Variants in ZFYVE27 observed in about 807,000 individuals in gnomAD.
ZFYVE27 encodes the protein protrudin.
A neutral mutation model predicts 52.8 loss-of-function variants in ZFYVE27; 36 were observed. That is an observed-to-expected ratio of 0.68 (90% CI 0.52 to 0.90). ZFYVE27 has a LOEUF of 0.90. ZFYVE27 is among the 40% of genes least tolerant of loss of function. ZFYVE27 has a pLI of 0.00. For missense variants in ZFYVE27, 450 were observed against 527.2 expected (o/e 0.85, Z 1.43); for synonymous variants, 223 against 215.6 (o/e 1.03, Z -0.30).
intron 10 of ZFYVE27, 39 bp downstream of exon 10, chr10:97,753,221 G>C (rs959806768): frequency 9.4e-6 from 15 of 1,595,160 alleles, no homozygotes; most frequent in Non-Finnish European, 1.3e-5. Context: ...TGGGGGAGTG[G>C]GGGTGGACTT....
intron 3 of ZFYVE27, 119 bp downstream of exon 3, chr10:97,743,283 C>T: frequency 8.3e-7 from 1 of 1,200,664 alleles, no homozygotes; most frequent in South Asian, 1.2e-5. Flanking sequence ...TAGTGTTCCT[C>T]TGTGTCTGCT....
In ZFYVE27 at chr10:97,744,901, T is replaced by C. The variant is rs137941397; in HGVS notation, c.441T>C (p.Ala147=). Reference sequence around the variant, plus strand: ...GCCTGTCTCGTCCCGAGGCCGTGGCTGAGGTGAAGAGCTTGTGAGTATGGA... The same window carrying C: ...GCCTGTCTCGTCCCGAGGCCGTGGCCGAGGTGAAGAGCTTGTGAGTATGGA... ...RGRLSRPEAV[A]EVKSFLIQLE... The change falls in exon 4 of 13, where the codon GCT becomes GCC. Residue 147 remains alanine (A), a synonymous_variant. Transcript: ENST00000684270. 15 of 1,582,964 alleles carry C rather than the reference T, an allele frequency of 9.5e-6. No individual in the cohort carries two copies. The highest frequency in any genetic ancestry group is 1.3e-5 in the Non-Finnish European group (15 of 1,163,332).
chr10:97,750,186 A>G (rs1257910704), intron 6 of ZFYVE27, 145 bp from the exon 7 acceptor site: 1 of 972,236 alleles, frequency 1.0e-6, no homozygotes, highest in Non-Finnish European at 1.6e-6. Context: ...GGCTTAAGTT[A>G]GGTGACTCGC....
In ZFYVE27 at chr10:97,744,882, C is replaced by T. The variant is rs1284726881; in HGVS notation, c.422C>T (p.Ser141Phe). ...GAGGACCTGCAGAGAGGTCGCCTGTCTCGTCCCGAGGCCGTGGCTGAGGTG... is the reference window on the plus strand; with the variant it reads ...GAGGACCTGCAGAGAGGTCGCCTGTTTCGTCCCGAGGCCGTGGCTGAGGTG... ...RQEDLQRGRL[S>F]RPEAVAEVKS... The change falls in exon 4 of 13, where the codon TCT (serine) becomes TTT (phenylalanine). Residue 141 changes from serine to phenylalanine, a missense_variant. Transcript: ENST00000684270. 1.2e-6 allele frequency: 2 copies of T among 1,603,460 alleles called. No individual in the cohort carries two copies. The highest frequency in any genetic ancestry group is 1.3e-5 in the African/African-American group (1 of 74,934).
intron 2 of ZFYVE27, chr10:97,738,960 C>A: frequency 4.7e-6 from 2 of 428,366 alleles, no homozygotes; most frequent in Non-Finnish European, 8.6e-6. Context: ...GAACATCACG[C>A]CTTCTACAGC....
At chr10:97,738,327 G>GA (rs1564799888) in intron 1 of ZFYVE27, 150 bp from the exon 2 acceptor site, 1 of 817,982 alleles carries the variant, frequency 1.2e-6, no homozygotes, top group African/African-American at 1.7e-5. Flanking sequence ...AAGAGCATTG[G>GA]ATGGAGAGTA....
intron 2 of ZFYVE27, 46 bp downstream of exon 2, chr10:97,738,720 T>G: frequency 6.2e-7 from 1 of 1,607,908 alleles, no homozygotes; most frequent in African/African-American, 1.3e-5. Context: ...CCTTCTGCCG[T>G]CCTGCTCTGT....
chr10:97,750,018 AG>A (rs1448315447), intron 6 of ZFYVE27: 5 of 434,092 alleles, frequency 1.2e-5, no homozygotes, highest in African/African-American at 1.0e-4. Context: ...TGAGTCGCAG[AG>A]GCCCGAGTCT....
intron 2 of ZFYVE27, among the ~76,000 whole-genome samples, chr10:97,740,626 G>C (rs372697164): frequency 1.5e-4 from 23 of 152,314 alleles, no homozygotes; most frequent in African/African-American, 5.3e-4. Flanking sequence ...GGAGGATGTG[G>C]TAGGATTGGT....
At chr10:97,758,909 G>A (rs2049092746) in intron 12 of ZFYVE27, among the ~76,000 whole-genome samples, 1 of 152,136 alleles carries the variant, frequency 6.6e-6, no homozygotes, top group Non-Finnish European at 1.5e-5. Flanking sequence ...AGCCTCCTGA[G>A]TAGCTGGGAT....
intron 5 of ZFYVE27, among the ~76,000 whole-genome samples, chr10:97,748,903 T>A (rs1437375970): frequency 1.3e-5 from 2 of 152,188 alleles, no homozygotes; most frequent in Non-Finnish European, 2.9e-5. Flanking sequence ...TTTTAGAAAA[T>A]TTTTCTTGGA....
chr10:97,750,958 G>T (rs746538915), intron 7 of ZFYVE27, among the ~76,000 whole-genome samples: 4 of 152,106 alleles, frequency 2.6e-5, no homozygotes, highest in Non-Finnish European at 5.9e-5. Flanking sequence ...GCCCAGGCTG[G>T]TCTCAAACTC....
intron 12 of ZFYVE27, among the ~76,000 whole-genome samples, chr10:97,758,902 C>T (rs1420270932): frequency 2.0e-5 from 3 of 152,208 alleles, no homozygotes; most frequent in Non-Finnish European, 4.4e-5. Flanking sequence ...GTGCTTCAGC[C>T]TCCTGAGTAG....
intron 2 of ZFYVE27, among the ~76,000 whole-genome samples, chr10:97,741,644 A>G (rs991744757): frequency 1.3e-5 from 2 of 152,206 alleles, no homozygotes; most frequent in African/African-American, 4.8e-5. Context: ...GAATAGCATT[A>G]GGAGAAATAC....
At chr10:97,739,378 TA>T (rs1315127321) in intron 2 of ZFYVE27, among the ~76,000 whole-genome samples, 1 of 152,232 alleles carries the variant, frequency 6.6e-6, no homozygotes, top group Non-Finnish European at 1.5e-5. Flanking sequence ...CCATTTTTAC[TA>T]ATTTATTGAG....
Position 97,741,057 on chromosome 10 carries a change from T to C in ZFYVE27, c.198-2037T>C, listed in dbSNP as rs547302652. Among the ~76,000 whole-genome samples, 3 of 152,268 alleles carry C rather than the reference T, an allele frequency of 2.0e-5. No individual in the cohort carries two copies. The East Asian group carries it at 5.8e-4, about 29-fold the overall frequency. On this transcript the variant is annotated intron_variant, in intron 2 of 12. Transcript: ENST00000684270. ...TAGAGGTTCTGAGGCGTAATTAGGG[T>C]GGTACAGGTGGAGTGTGTTGAATTT...
chr10:97,737,617 C>G lies in ZFYVE27; in HGVS notation c.-2+296C>G, dbSNP rs534357852. Among the ~76,000 whole-genome samples, 5 of 152,374 alleles carry G rather than the reference C, an allele frequency of 3.3e-5. No individual in the cohort carries two copies. In the East Asian group the frequency reaches 9.7e-4, roughly 29 times the overall value. On this transcript the variant is annotated intron_variant, in intron 1 of 12. Coordinates refer to ENST00000684270, the MANE Select transcript of ZFYVE27 (RefSeq NM_001385875.1). Reference sequence around the variant, plus strand: ...GTCCCGTTGGCCCCTTTGTCCCATCCCCTCACCCTCCCATCAGGTCGCGGC... The same window carrying G: ...GTCCCGTTGGCCCCTTTGTCCCATCGCCTCACCCTCCCATCAGGTCGCGGC...
At chr10:97,754,978 CTT>C (rs2047983303) in intron 10 of ZFYVE27, 1 of 285,672 alleles carries the variant, frequency 3.5e-6, no homozygotes, top group Non-Finnish European at 5.3e-6. Flanking sequence ...TGATTCGGCT[CTT>C]GTCTTCTTTC....
chr10:97,748,984 G>A (rs942229328), intron 5 of ZFYVE27, among the ~76,000 whole-genome samples: 5 of 152,128 alleles, frequency 3.3e-5, no homozygotes, highest in South Asian at 2.1e-4. Context: ...ATGAATAATA[G>A]TGATAACTAA....
Sources: allele counts gnomAD v4.1 joint callset (sites outside exome capture counted in the v4.1 genomes callset), GRCh38; gene constraint gnomAD v4.1.1; transcripts MANE v1.5; gene names NCBI Gene and HGNC (gene_info 2026-07-23, HGNC 2026-07-21).